CLVS1: variants seen among roughly 807,000 people sequenced by gnomAD.
CLVS1 encodes the protein clavesin-1.
In CLVS1, 10 loss-of-function variants were observed where a neutral mutation model predicts 33.1. That is an observed-to-expected ratio of 0.30 (90% confidence interval 0.19 to 0.51). The LOEUF (loss-of-function observed/expected upper bound fraction) is 0.51. Ranked by LOEUF, CLVS1 falls within the 20% of genes least tolerant of loss-of-function variation. CLVS1 has a pLI of 0.97. For missense variants in CLVS1, 343 were observed against 433.4 expected (o/e 0.79, Z 1.85); for synonymous variants, 163 against 166.1 (o/e 0.98, Z 0.14).
the CLVS1 span, among the ~76,000 whole-genome samples, chr8:61,007,569 C>A: frequency 5.9e-5 from 9 of 152,190 alleles, no homozygotes; most frequent in Non-Finnish European, 1.3e-4. Context: ...AGAGAGCCAA[C>A]CTGACCCTAA....
intron 2 of CLVS1, among the ~76,000 whole-genome samples, chr8:61,265,607 C>G (rs1326058988): frequency 1.3e-5 from 2 of 152,146 alleles, no homozygotes; most frequent in African/African-American, 4.8e-5. Flanking sequence ...GCTCTGCTTC[C>G]AAAATATACT....
intron 2 of CLVS1, among the ~76,000 whole-genome samples, chr8:61,189,821 A>T (rs1372795315): frequency 1.3e-5 from 2 of 152,244 alleles, no homozygotes; most frequent in African/African-American, 4.8e-5. Context: ...AAGAAGAGCT[A>T]ACTATCCTAA....
chr8:61,135,238 G>A (rs1233744996), intron 2 of CLVS1, among the ~76,000 whole-genome samples: 1 of 152,132 alleles, frequency 6.6e-6, no homozygotes, highest in East Asian at 1.9e-4. Context: ...ACACATGGTG[G>A]TGGTGCCTGA....
rs536278032 is a variant in CLVS1 at position 61,378,575 on chromosome 8, C to G, written c.630+1796C>G. 2.2e-4 allele frequency among the ~76,000 whole-genome samples: 34 copies of G among 152,298 alleles called. No homozygotes were observed. The East Asian group carries it at 6.0e-3, about 27-fold the overall frequency. On this transcript the variant is annotated intron_variant, in intron 3 of 5. Transcript: ENST00000325897. ...TGGCTTTGGTTAAGGAACAGCCCAC[C>G]TATCATGGAGAGGAAGCCCATGGTC...
intron 2 of CLVS1, among the ~76,000 whole-genome samples, chr8:61,265,407 G>T (rs372244132): frequency 1.3e-5 from 2 of 152,178 alleles, no homozygotes; most frequent in East Asian, 3.9e-4. Flanking sequence ...CTATAAATGG[G>T]CATAATCTAT....
intron 2 of CLVS1, among the ~76,000 whole-genome samples, chr8:61,352,604 G>A (rs1215075438): frequency 1.3e-5 from 2 of 151,892 alleles, no homozygotes; most frequent in African/African-American, 4.8e-5. Flanking sequence ...AATAGACATG[G>A]CTGTATTCGG....
intron 2 of CLVS1, among the ~76,000 whole-genome samples, chr8:61,353,999 C>G (rs571214756): frequency 8.4e-4 from 127 of 152,004 alleles, no homozygotes; most frequent in African/African-American, 2.7e-3. Context: ...AAATATGAAA[C>G]AATTCCTTAA....
At chr8:61,446,361 G>C (rs549165275) in intron 3 of CLVS1, among the ~76,000 whole-genome samples, 2 of 152,104 alleles carry the variant, frequency 1.3e-5, no homozygotes, top group Admixed American at 6.6e-5. Context: ...CCTATGTCTT[G>C]ATCTGTTTTC....
At chr8:61,456,942 A>AT (rs1236020413) in intron 4 of CLVS1, among the ~76,000 whole-genome samples, 111 of 145,520 alleles carry the variant, frequency 7.6e-4, no homozygotes, top group Admixed American at 9.5e-4. Context: ...ATACATATAG[A>AT]TTTTTTTTTT....
At chr8:61,143,514 A>G (rs942431037) in intron 2 of CLVS1, among the ~76,000 whole-genome samples, 3 of 152,048 alleles carry the variant, frequency 2.0e-5, no homozygotes, top group Non-Finnish European at 2.9e-5. Flanking sequence ...CATGCTTACT[A>G]GTAGCAAACA....
chr8:61,399,652 G>A (rs1286244160), intron 3 of CLVS1, among the ~76,000 whole-genome samples: 1 of 152,124 alleles, frequency 6.6e-6, no homozygotes, highest in Non-Finnish European at 1.5e-5. Context: ...TTCTTCTAGG[G>A]TTTTTATAGT....
chr8:60,989,149 G>A, the CLVS1 span, among the ~76,000 whole-genome samples: 1 of 152,066 alleles, frequency 6.6e-6, no homozygotes, highest in Non-Finnish European at 1.5e-5. Flanking sequence ...TTACAGGCGT[G>A]AGCCACTGCC....
intron 2 of CLVS1, among the ~76,000 whole-genome samples, chr8:61,232,234 C>T (rs1327828896): frequency 2.0e-5 from 3 of 151,638 alleles, no homozygotes; most frequent in African/African-American, 4.9e-5. Context: ...GACGGGGTTT[C>T]ACCATGTTAG....
At chr8:61,253,678 C>G (rs1183985106) in intron 2 of CLVS1, among the ~76,000 whole-genome samples, 11 of 152,166 alleles carry the variant, frequency 7.2e-5, no homozygotes. Flanking sequence ...ATTTGATCTT[C>G]CATCACTGAT....
At chr8:61,425,967 T>A (rs1815876292) in intron 3 of CLVS1, among the ~76,000 whole-genome samples, 2 of 152,224 alleles carry the variant, frequency 1.3e-5, no homozygotes. Flanking sequence ...ATCTGATGTA[T>A]CTCACCCTTT....
intron 2 of CLVS1, among the ~76,000 whole-genome samples, chr8:61,312,029 G>A (rs979377506): frequency 1.3e-5 from 2 of 152,232 alleles, no homozygotes; most frequent in African/African-American, 2.4e-5. Flanking sequence ...CTGAATGAAT[G>A]CATTGCAAGT....
chr8:61,331,029 A>T (rs1020987463), intron 2 of CLVS1, among the ~76,000 whole-genome samples: 1 of 151,996 alleles, frequency 6.6e-6, no homozygotes, highest in Admixed American at 6.6e-5. Flanking sequence ...CTGCAGTGAG[A>T]TATAATTATG....
chr8:61,182,400 C>G (rs545386127), intron 2 of CLVS1, among the ~76,000 whole-genome samples: 1 of 152,248 alleles, frequency 6.6e-6, no homozygotes. Flanking sequence ...AGGCAACCTA[C>G]AGAATGAGAG....
rs538303227 is a variant in CLVS1 at position 61,085,289 on chromosome 8, A to G, written c.-243+28059A>G. The stretch of plus-strand genomic sequence containing the variant: ...TCAAAGTTCTTAATGAAATAGTACA[A>G]CAACAATTATTACTTTTCCGCTGTC... On this transcript the variant is annotated intron_variant, in intron 1 of 2. Transcript: ENST00000522621. Among the ~76,000 whole-genome samples, 8 of 152,336 alleles carry G rather than the reference A, an allele frequency of 5.3e-5. No homozygotes were observed. The South Asian group carries it at 1.5e-3, about 28-fold the overall frequency.
Sources: allele counts gnomAD v4.1 joint callset (sites outside exome capture counted in the v4.1 genomes callset), GRCh38; gene constraint gnomAD v4.1.1; transcripts MANE v1.5; gene names NCBI Gene and HGNC (gene_info 2026-07-23, HGNC 2026-07-21).